Variants in TSPAN12 observed in about 807,000 individuals in gnomAD.
TSPAN12 encodes the protein tetraspanin 12, also known as tetraspanin-12.
In TSPAN12, 19 loss-of-function variants were observed where a neutral mutation model predicts 39.2. That is an observed-to-expected ratio of 0.49 (90% CI 0.34 to 0.71). The LOEUF (loss-of-function observed/expected upper bound fraction) is 0.71, where lower values mean the gene tolerates loss of function less well. Ranked by LOEUF, TSPAN12 falls within the 30% of genes least tolerant of loss-of-function variation. The pLI is 0.01. For synonymous variants in TSPAN12, 119 were observed against 124.8 expected (o/e 0.95, Z 0.31); for missense variants, 314 against 359.9 (o/e 0.87, Z 1.03).
intron 7 of TSPAN12, among the ~76,000 whole-genome samples, chr7:120,802,002 C>A (rs1348851418): frequency 6.6e-6 from 1 of 152,178 alleles, no homozygotes; most frequent in Admixed American, 6.5e-5. Context: ...AGTGTCCCAG[C>A]TCTATAAAGA....
At chr7:120,849,846 C>T (rs1423872232) in intron 2 of TSPAN12, among the ~76,000 whole-genome samples, 1 of 152,140 alleles carries the variant, frequency 6.6e-6, no homozygotes, top group Non-Finnish European at 1.5e-5. Flanking sequence ...CTTGGCCTCC[C>T]AAGTGCTGAG....
At chr7:120,825,280 T>C (rs1017113560) in intron 4 of TSPAN12, among the ~76,000 whole-genome samples, 1 of 152,202 alleles carries the variant, frequency 6.6e-6, no homozygotes, top group Non-Finnish European at 1.5e-5. Flanking sequence ...AACTTACTGT[T>C]CTCTGAATTT....
At chr7:120,814,207 C>T (rs779835975) in intron 5 of TSPAN12, 24 of 456,578 alleles carry the variant, frequency 5.3e-5, no homozygotes, top group South Asian at 3.6e-4. Context: ...CCAGAAATGA[C>T]TTCTATTTTA....
chr7:120,815,596 TG>T, intron 5 of TSPAN12, 132 bp downstream of exon 5: 2 of 835,656 alleles, frequency 2.4e-6, no homozygotes, highest in Non-Finnish European at 3.9e-6. Flanking sequence ...CATGCTGAAC[TG>T]TGAGTTAATT....
At chr7:120,820,526 C>T (rs905378704) in intron 4 of TSPAN12, among the ~76,000 whole-genome samples, 1 of 152,030 alleles carries the variant, frequency 6.6e-6, no homozygotes. Flanking sequence ...ATTTTACCTC[C>T]TATTCTTTAT....
chr7:120,819,711 C>G (rs1259424138), intron 4 of TSPAN12, among the ~76,000 whole-genome samples: 2 of 151,994 alleles, frequency 1.3e-5, no homozygotes, highest in Non-Finnish European at 2.9e-5. Context: ...CTTCTAATTC[C>G]AAGGAAAACA....
At chr7:120,819,429 A>C (rs1053551542) in intron 4 of TSPAN12, among the ~76,000 whole-genome samples, 1 of 152,092 alleles carries the variant, frequency 6.6e-6, no homozygotes, top group East Asian at 1.9e-4. Flanking sequence ...GAAAACTCCA[A>C]AATGACTGTA....
chr7:120,847,184 C>A (rs1794685174), intron 2 of TSPAN12, among the ~76,000 whole-genome samples: 1 of 149,422 alleles, frequency 6.7e-6, no homozygotes, highest in Non-Finnish European at 1.5e-5. Context: ...GTTTTCTCAC[C>A]TGTAAAATGA....
intron 7 of TSPAN12, among the ~76,000 whole-genome samples, 159 bp from the exon 8 acceptor site, chr7:120,789,056 G>A (rs1410324058): frequency 6.6e-6 from 1 of 152,186 alleles, no homozygotes; most frequent in Admixed American, 6.5e-5. Context: ...TGAGAAGAAG[G>A]AGAGAGGGAG....
At chr7:120,827,719 A>G (rs1016731874) in intron 4 of TSPAN12, among the ~76,000 whole-genome samples, 1 of 152,242 alleles carries the variant, frequency 6.6e-6, no homozygotes, top group Non-Finnish European at 1.5e-5. Context: ...AAGCATATCC[A>G]TTATCTCTAA....
chr7:120,813,838 C>A (rs934627761), intron 5 of TSPAN12, among the ~76,000 whole-genome samples: 9 of 152,160 alleles, frequency 5.9e-5, no homozygotes, highest in African/African-American at 2.2e-4. Context: ...CTTTATCACT[C>A]CCCTAATAAA....
chr7:120,814,550 AAAAC>A (rs1197996223), intron 5 of TSPAN12, among the ~76,000 whole-genome samples: 1 of 152,210 alleles, frequency 6.6e-6, no homozygotes, highest in Non-Finnish European at 1.5e-5. Context: ...TCCCTCCATG[AAAAC>A]AACCAGCATT....
intron 6 of TSPAN12, among the ~76,000 whole-genome samples, chr7:120,808,195 C>T (rs1207245626): frequency 6.6e-6 from 1 of 152,180 alleles, no homozygotes; most frequent in African/African-American, 2.4e-5. Flanking sequence ...ATTTATATGG[C>T]TTTGTCAGGA....
At chr7:120,799,571 T>TATAC (rs1793710972) in intron 7 of TSPAN12, among the ~76,000 whole-genome samples, 2 of 108,608 alleles carry the variant, frequency 1.8e-5, no homozygotes, top group African/African-American at 7.4e-5. Context: ...TATAATTATT[T>TATAC]ATATAATTAT....
chr7:120,800,137 TATAG>T (rs1793737888), intron 7 of TSPAN12, among the ~76,000 whole-genome samples: 1 of 151,610 alleles, frequency 6.6e-6, no homozygotes, highest in East Asian at 1.9e-4. Context: ...GACAGCAGAG[TATAG>T]AGGAGACAGG....
In TSPAN12 at chr7:120,789,699, G is replaced by A. The variant is rs995222482; in HGVS notation, c.613-802C>T. On this transcript the variant is annotated intron_variant, in intron 7 of 7. Coordinates refer to ENST00000222747, the MANE Select transcript of TSPAN12 (RefSeq NM_012338.4). ...AGATAGTGAGGGTAAAAGAGTCCTCGGTGGAATTTCCCTTTTAACAAAAAG... is the reference window on the plus strand; with the variant it reads ...AGATAGTGAGGGTAAAAGAGTCCTCAGTGGAATTTCCCTTTTAACAAAAAG... Among the ~76,000 whole-genome samples, 3 of 152,200 alleles carry A rather than the reference G, an allele frequency of 2.0e-5. No individual in the cohort carries two copies. The South Asian group carries it at 6.2e-4, about 32-fold the overall frequency.
Position 120,800,750 on chromosome 7 carries a change from TTTTG to T in TSPAN12, c.612+5795_612+5798del, listed in dbSNP as rs1562938837. ...AAATAAAGTTTTCCTTATCGTTTTT[TTTTG>T]TTTTTTTTTTTTGAGACAGAGTCTC... On this transcript the variant is annotated intron_variant, in intron 7 of 7. Coordinates refer to ENST00000222747, the MANE Select transcript of TSPAN12 (RefSeq NM_012338.4). Among the ~76,000 whole-genome samples, 3 of 143,834 alleles carry T rather than the reference TTTTG, an allele frequency of 2.1e-5. 1 individual carries two copies. In the East Asian group the frequency reaches 6.2e-4, roughly 30 times the overall value. 94.4% of individuals were successfully genotyped at this position (143,834 alleles called of 152,430 possible). A position where few individuals can be genotyped will look rare whatever the true frequency, so the allele number is the denominator to read the frequency against.
intron 1 of TSPAN12, 60 bp from the exon 2 acceptor site, chr7:120,856,893 G>T: frequency 2.0e-6 from 2 of 1,005,182 alleles, no homozygotes; most frequent in Non-Finnish European, 3.1e-6. Context: ...CCCACAGCCT[G>T]CCCGTCCCTC....
At chr7:120,808,065 T>G (rs2116354045) in intron 6 of TSPAN12, among the ~76,000 whole-genome samples, 1 of 152,246 alleles carries the variant, frequency 6.6e-6, no homozygotes, top group South Asian at 2.1e-4. Context: ...GTCCATCTTT[T>G]TAAATTCTTG....
Sources: gnomAD v4.1 joint callset for allele counts (sites outside exome capture counted in the v4.1 genomes callset) on GRCh38, gnomAD v4.1.1 for gene constraint, MANE v1.5 for transcripts, NCBI Gene and HGNC (gene_info 2026-07-23, HGNC 2026-07-21) for gene names.